OTOG: variants seen among roughly 807,000 people sequenced by gnomAD.
OTOG encodes the protein otogelin.
A neutral mutation model predicts 313.8 loss-of-function variants in OTOG; 296 were observed. That is an observed-to-expected ratio of 0.94 (90% CI 0.86 to 1.04). The LOEUF (loss-of-function observed/expected upper bound fraction) is 1.04. Among genes scored for constraint, OTOG ranks in the 50% least tolerant of loss-of-function variants. OTOG has a pLI of 0.00. For synonymous variants in OTOG, 1,533 were observed against 1,554.9 expected, an observed-to-expected ratio of 0.99 and a Z score of 0.33; for missense variants, 3,948 against 3,840.1, an observed-to-expected ratio of 1.03 and a Z score of -0.74.
rs1166068398 is a variant in OTOG at position 17,645,773 on chromosome 11, C to T, written c.8571C>T (p.Cys2857=). The part of the protein sequence containing the change: ...PVNLVSCDGR[C]PSASIYNYNI... Reference sequence around the variant, plus strand: ...ACCTAGTGTCCTGCGATGGGAGGTGCCCATCCGCCAGCATCTACAACTACA... The same window carrying T: ...ACCTAGTGTCCTGCGATGGGAGGTGTCCATCCGCCAGCATCTACAACTACA... The change falls in exon 56 of 56, where the codon TGC becomes TGT. Residue 2857 remains cysteine, a synonymous_variant. Transcript: ENST00000399397. 14 of 1,550,862 alleles carry T rather than the reference C, an allele frequency of 9.0e-6. No homozygotes were observed. The highest frequency in any genetic ancestry group is 3.3e-4 in the Middle Eastern group (2 of 5,992).
intron 39 of OTOG, among the ~76,000 whole-genome samples, chr11:17,623,205 T>G (rs1853906160): frequency 6.6e-6 from 1 of 152,158 alleles, no homozygotes; most frequent in South Asian, 2.1e-4. Flanking sequence ...ATAGATAAAC[T>G]CATATCGCAG....
intron 39 of OTOG, among the ~76,000 whole-genome samples, chr11:17,625,359 T>G (rs189902161): frequency 1.3e-5 from 2 of 152,314 alleles, no homozygotes; most frequent in East Asian, 3.9e-4. Context: ...GAGTTTTAAA[T>G]ATGAAGCGGT....
At position 17,610,745 on chromosome 11, in the gene OTOG, A is replaced by T; in HGVS notation, c.5445A>T (p.Thr1815=). ...DTSLPLAKVG[T]SAPVATPGPK... Reference sequence around the variant, plus strand: ...GCCTGCCCCTGGCCAAGGTGGGCACATCTGCCCCAGTGGCCACACCCGGCC... The same window carrying T: ...GCCTGCCCCTGGCCAAGGTGGGCACTTCTGCCCCAGTGGCCACACCCGGCC... The change falls in exon 36 of 56, where the codon ACA becomes ACT. Residue 1815 remains threonine, a synonymous_variant. Coordinates refer to ENST00000399397, the MANE Select transcript of OTOG (RefSeq NM_001292063.2). 6.5e-7 allele frequency: 1 copy of T among 1,549,980 alleles called. No individual in the cohort carries two copies. The highest frequency in any genetic ancestry group is 8.7e-7 in the Non-Finnish European group (1 of 1,146,980).
chr11:17,606,773 A>T (rs1179499810), intron 33 of OTOG, among the ~76,000 whole-genome samples: 1 of 152,194 alleles, frequency 6.6e-6, no homozygotes, highest in Non-Finnish European at 1.5e-5. Context: ...ATCCATTTGC[A>T]TGTACACGTA....
chr11:17,616,262 G>T (rs1853718135), intron 39 of OTOG, among the ~76,000 whole-genome samples: 1 of 152,054 alleles, frequency 6.6e-6, no homozygotes, highest in South Asian at 2.1e-4. Context: ...TCACTATGTT[G>T]CCCAGGCTGG....
At position 17,596,984 on chromosome 11, in the gene OTOG, ACTGGCGAACCCCCCGCCT is replaced by A; in HGVS notation, c.3663_3680del (p.Trp1221_Leu1226del). ...TGTTGCCAGCATGGGGTGGCTGTTG[ACTGGCGAACCCCCCGCCT>A]CTGCCGTGAGTGTCCCAGACAATCA... On this transcript the variant is annotated inframe_deletion, in exon 30 of 56. Transcript: ENST00000399397. 2 of 1,550,126 alleles carry A rather than the reference ACTGGCGAACCCCCCGCCT, an allele frequency of 1.3e-6. No homozygotes were observed. The highest frequency in any genetic ancestry group is 1.7e-6 in the Non-Finnish European group (2 of 1,146,836).
chr11:17,613,327 CCCTTCCTTCCTTCCTT>C (rs10580062), intron 38 of OTOG, among the ~76,000 whole-genome samples: 8 of 102,450 alleles, frequency 7.8e-5, no homozygotes, highest in East Asian at 2.6e-4. Flanking sequence ...CTCTGCCCTG[CCCTTCCTTCCTTCCTT>C]CCTTCCTTCC....
intron 39 of OTOG, among the ~76,000 whole-genome samples, chr11:17,623,687 G>A (rs1853917807): frequency 6.6e-6 from 1 of 152,188 alleles, no homozygotes. Context: ...TGGGTCAAAT[G>A]GTAGTTGTGT....
chr11:17,573,636 T>C (rs752651086), intron 19 of OTOG, among the ~76,000 whole-genome samples: 3 of 152,208 alleles, frequency 2.0e-5, no homozygotes, highest in Non-Finnish European at 2.9e-5. Context: ...AAAAGACCAC[T>C]GGCTGTTGCC....
At position 17,585,659 on chromosome 11, in the gene OTOG, T is replaced by C. The variant is rs146366501; in HGVS notation, c.2760-815T>C. Reference sequence around the variant, plus strand: ...TTCAGAAGCCCTCAACCCCATTTTCTGTCTGCTCCCCTCAGTGATGCATCG... The same window carrying C: ...TTCAGAAGCCCTCAACCCCATTTTCCGTCTGCTCCCCTCAGTGATGCATCG... On this transcript the variant is annotated intron_variant, in intron 23 of 55. Coordinates refer to ENST00000399397, the MANE Select transcript of OTOG (RefSeq NM_001292063.2). Among the ~76,000 whole-genome samples, 32 of 152,308 alleles carry C rather than the reference T, an allele frequency of 2.1e-4. No individual in the cohort carries two copies. In the East Asian group the frequency reaches 6.2e-3, roughly 29 times the overall value.
rs368627374 is a variant in OTOG, at chr11:17,593,067, G to A, written c.3007-126G>A. On this transcript the variant is annotated intron_variant, in intron 25 of 55. Transcript: ENST00000399397. ...AACAGAAGTCGCCCAAAGTCACACA[G>A]CTCAGCTAACACAAAGTAGAAGTGG... 5 of 995,662 alleles carry A rather than the reference G, an allele frequency of 5.0e-6. No individual in the cohort carries two copies. The African/African-American group carries it at 6.6e-5, about 13-fold the overall frequency. The allele number at this position is 995,662 out of a possible 1,614,324, so 61.7% of individuals were successfully genotyped here.
intron 6 of OTOG, among the ~76,000 whole-genome samples, chr11:17,554,086 TG>T (rs1191551822): frequency 6.6e-6 from 1 of 152,082 alleles, no homozygotes; most frequent in African/African-American, 2.4e-5. Context: ...GAGAACATTC[TG>T]GGGAAAAAGA....
At chr11:17,623,248 G>T (rs1180605263) in intron 39 of OTOG, among the ~76,000 whole-genome samples, 1 of 151,984 alleles carries the variant, frequency 6.6e-6, no homozygotes, top group Admixed American at 6.6e-5. Flanking sequence ...TGTCACCCAG[G>T]TATTAAGCCT....
Position 17,610,976 on chromosome 11 carries a change from G to A in OTOG, c.5676G>A (p.Glu1892=), listed in dbSNP as rs759105158. The change falls in exon 36 of 56, where the codon GAG becomes GAA. Residue 1892 remains glutamate, a synonymous_variant. Transcript: ENST00000399397. ...CCTCTGGAGTCCTGCCTGTGGCTGA[G>A]GGCACGGCCTCCATGGTATCTGTTG... ...LPTSGVLPVA[E]GTASMVSVVP... is the part of the protein sequence containing the mutation. 13 of 1,550,606 alleles carry A rather than the reference G, an allele frequency of 8.4e-6. No individual in the cohort carries two copies. The highest frequency in any genetic ancestry group is 1.1e-5 in the Non-Finnish European group (13 of 1,147,020).
chr11:17,641,808 T>C (rs1332367607), intron 51 of OTOG, 39 bp from the exon 52 acceptor site: 6 of 1,419,216 alleles, frequency 4.2e-6, no homozygotes, highest in Non-Finnish European at 4.8e-6. Context: ...AGGGTGGAGG[T>C]GGGCATCTGG....
chr11:17,548,617 C>T (rs538968544), intron 3 of OTOG, among the ~76,000 whole-genome samples: 21 of 151,944 alleles, frequency 1.4e-4, no homozygotes, highest in Middle Eastern at 3.4e-3. Flanking sequence ...ATACCCTGAG[C>T]GGAGCCTCAA....
In OTOG at chr11:17,557,312, T is replaced by C. The variant is rs756351208; in HGVS notation, c.854T>C (p.Val285Ala). Residue 285 changes from valine to alanine, a missense_variant, in exon 8 of 56, where the codon GTG (valine) becomes GCG (alanine). Coordinates refer to ENST00000399397, the MANE Select transcript of OTOG (RefSeq NM_001292063.2). ...NNNADPKDDL[V>A]TSSGKLTDDV... ...AATGCTGACCCCAAGGATGATCTGG[T>C]GACCAGCTCTGGTGAGGGTCAGACA... is the stretch of plus-strand genomic sequence containing the variant. 2.2e-5 allele frequency: 34 copies of C among 1,549,916 alleles called. No homozygotes were observed. The highest frequency in any genetic ancestry group is 2.9e-5 in the Non-Finnish European group (33 of 1,146,884).
intron 28 of OTOG, 27 bp downstream of exon 28, chr11:17,594,193 A>G (rs1853032260): frequency 6.4e-7 from 1 of 1,550,434 alleles, no homozygotes; most frequent in Non-Finnish European, 8.7e-7. Flanking sequence ...AGGCTGGCTT[A>G]TGCCCCTCAC....
rs565772686 is a variant in OTOG at position 17,582,743 on chromosome 11, C to T, written c.2760-3731C>T. Among the ~76,000 whole-genome samples, 15 of 152,210 alleles carry T rather than the reference C, an allele frequency of 9.9e-5. No individual in the cohort carries two copies. The South Asian group carries it at 2.7e-3, about 27-fold the overall frequency. On this transcript the variant is annotated intron_variant, in intron 23 of 55. Transcript: ENST00000399397. ...AGTAATTTTTCATATACTTATTGGC[C>T]ATTCGTGTATCTTTCTTTGTGAAGT...
Sources: allele counts gnomAD v4.1 joint callset (sites outside exome capture counted in the v4.1 genomes callset), GRCh38; gene constraint gnomAD v4.1.1; transcripts MANE v1.5; gene names NCBI Gene and HGNC (gene_info 2026-07-23, HGNC 2026-07-21).